The following FAM107B variants were observed in gnomAD, a reference collection of about 807,000 sequenced individuals.
FAM107B encodes the protein family with sequence similarity 107 member B.
Under a neutral mutation model 31.5 loss-of-function variants are expected in FAM107B, and 21 were observed. That is an observed-to-expected ratio of 0.67 (90% CI 0.47 to 0.96). The LOEUF is 0.96. Ranked by LOEUF, FAM107B falls within the 40% of genes least tolerant of loss-of-function variation. The probability of loss-of-function intolerance (pLI) is 0.00; values close to 1 mark genes in which losing one functional copy is unlikely to be tolerated. For synonymous variants in FAM107B, 157 were observed against 141.5 expected (o/e 1.11, Z -0.78); for missense variants, 452 against 377.1 (o/e 1.20, Z -1.64).
At chr10:14,623,759 G>A (rs1281631845) in intron 2 of FAM107B, among the ~76,000 whole-genome samples, 1 of 152,176 alleles carries the variant, frequency 6.6e-6, no homozygotes, top group African/African-American at 2.4e-5. Flanking sequence ...CTGGGAGGAG[G>A]AGGCCGCAGT....
chr10:14,708,253 T>TA (rs1564632395), intron 1 of FAM107B, among the ~76,000 whole-genome samples: 1 of 151,862 alleles, frequency 6.6e-6, no homozygotes. Flanking sequence ...AATTTTTTTT[T>TA]AATTTTTATT....
intron 2 of FAM107B, among the ~76,000 whole-genome samples, chr10:14,597,856 A>T (rs564723899): frequency 2.6e-5 from 4 of 152,180 alleles, no homozygotes; most frequent in African/African-American, 9.7e-5. Context: ...AGGCTGAGGC[A>T]GGAGAATCGC....
At chr10:14,734,756 A>T (rs975426043) in intron 1 of FAM107B, among the ~76,000 whole-genome samples, 6 of 151,952 alleles carry the variant, frequency 3.9e-5, no homozygotes, top group Non-Finnish European at 8.8e-5. Flanking sequence ...TTATTTATTT[A>T]TTTATTGAGA....
intron 2 of FAM107B, among the ~76,000 whole-genome samples, chr10:14,654,934 G>A (rs1854004441): frequency 6.6e-6 from 1 of 152,140 alleles, no homozygotes; most frequent in Admixed American, 6.5e-5. Context: ...CAGTCTGTGG[G>A]GTAGTGTCTC....
chr10:14,522,153 C>T, intron 3 of FAM107B, 134 bp from the exon 4 acceptor site: 1 of 1,131,712 alleles, frequency 8.8e-7, no homozygotes, highest in Non-Finnish European at 1.2e-6. Context: ...TAGGCTACAG[C>T]AGGCAACATG....
chr10:14,586,278 A>T (rs1851831902), intron 2 of FAM107B, among the ~76,000 whole-genome samples: 1 of 152,152 alleles, frequency 6.6e-6, no homozygotes, highest in Admixed American at 6.5e-5. Flanking sequence ...CTTTGCTTTT[A>T]AGAATCCTAC....
In FAM107B at chr10:14,522,008, G is replaced by C; in HGVS notation, c.665C>G (p.Pro222Arg). 1.9e-6 allele frequency: 3 copies of C among 1,613,130 alleles called. No homozygotes were observed. In the South Asian group the frequency reaches 3.3e-5, roughly 18 times the overall value. The change falls in exon 4 of 5, where the codon CCT becomes CGT. Residue 222 changes from proline to arginine, a missense_variant. Pro to Arg is a moderately radical substitution (Grantham distance 103, BLOSUM62 -2). Coordinates refer to ENST00000181796, the MANE Select transcript of FAM107B (RefSeq NM_031453.4). ...LLMNQKRGLAPQNKPELQKVM... is the reference protein window; with the variant it reads ...LLMNQKRGLARQNKPELQKVM... ...CTTCTGCAATTCTGGTTTGTTCTGA[G>C]GAGCAAGACCCCTGCGAAAGAGCAT...
rs535917477 is a variant in FAM107B, at chr10:14,678,791, G to A, written c.412-11100C>T. Among the ~76,000 whole-genome samples the A allele has an allele frequency of 8.5e-5, 13 of 152,332 alleles. No individual in the cohort carries two copies. In the South Asian group the frequency reaches 2.7e-3, roughly 32 times the overall value. ...ACAGAAATCACATCAGCTCTTCTGT[G>A]TCCTCAGCCCTCATGTTCTGGGTGA... On this transcript the variant is annotated intron_variant, in intron 1 of 4. Coordinates refer to ENST00000181796, the MANE Select transcript of FAM107B (RefSeq NM_031453.4).
chr10:14,589,101 G>C (rs1274693304), intron 2 of FAM107B, among the ~76,000 whole-genome samples: 2 of 150,800 alleles, frequency 1.3e-5, no homozygotes, highest in South Asian at 2.1e-4. Context: ...AGAATCACTT[G>C]AGCCCAGGAG....
At chr10:14,521,559 T>C (rs923821589) in intron 4 of FAM107B, among the ~76,000 whole-genome samples, 1 of 152,208 alleles carries the variant, frequency 6.6e-6, no homozygotes, top group Non-Finnish European at 1.5e-5. Context: ...AAACAAATCC[T>C]GGAGTCAACG....
intron 2 of FAM107B, among the ~76,000 whole-genome samples, chr10:14,608,934 G>A (rs1852660010): frequency 6.6e-6 from 1 of 152,124 alleles, no homozygotes; most frequent in Admixed American, 6.5e-5. Flanking sequence ...AAAGTAACAG[G>A]TGCTAACAAT....
At chr10:14,572,648 C>T (rs547186816) in intron 2 of FAM107B, among the ~76,000 whole-genome samples, 51 of 149,288 alleles carry the variant, frequency 3.4e-4, no homozygotes, top group African/African-American at 1.3e-3. Flanking sequence ...GAGTTTGAGG[C>T]TGTAGTGCAC....
intron 1 of FAM107B, among the ~76,000 whole-genome samples, chr10:14,688,146 G>A (rs1855035442): frequency 6.6e-6 from 1 of 152,176 alleles, no homozygotes; most frequent in Admixed American, 6.5e-5. Context: ...TCCTGTGCTG[G>A]ATGCTTCCTG....
chr10:14,549,963 G>A (rs1564554641), intron 2 of FAM107B, among the ~76,000 whole-genome samples: 1 of 152,180 alleles, frequency 6.6e-6, no homozygotes, highest in Non-Finnish European at 1.5e-5. Flanking sequence ...CAGACATCGG[G>A]TGCCACATGT....
chr10:14,595,420 A>T (rs10400174), intron 2 of FAM107B, among the ~76,000 whole-genome samples: 32,684 of 101,494 alleles, frequency 0.32, 4,228 homozygotes, highest in East Asian at 0.59. Flanking sequence ...TCCTAGGGCA[A>T]CCTTTTTTTT....
chr10:14,707,644 C>T (rs1204198269), intron 1 of FAM107B, among the ~76,000 whole-genome samples: 2 of 152,176 alleles, frequency 1.3e-5, no homozygotes, highest in Non-Finnish European at 2.9e-5. Context: ...AAAGCTGTGA[C>T]GTCTGGGATA....
chr10:14,529,138 T>C (rs1340606889), intron 3 of FAM107B, among the ~76,000 whole-genome samples: 2 of 152,242 alleles, frequency 1.3e-5, no homozygotes, highest in South Asian at 2.1e-4. Context: ...CAGGATAGGA[T>C]GGCTTCTAAA....
chr10:14,723,336 T>G, intron 1 of FAM107B: 1 of 544,048 alleles, frequency 1.8e-6, no homozygotes. Flanking sequence ...TCAGGCTAAG[T>G]AGCAGTGAAC....
At chr10:14,596,093 C>G (rs758073576) in intron 2 of FAM107B, among the ~76,000 whole-genome samples, 4 of 152,256 alleles carry the variant, frequency 2.6e-5, no homozygotes, top group African/African-American at 4.8e-5. Context: ...TCCTCCCACA[C>G]AGGCCCTCTG....
Sources: gnomAD v4.1 joint callset for allele counts (sites outside exome capture counted in the v4.1 genomes callset) on GRCh38, gnomAD v4.1.1 for gene constraint, MANE v1.5 for transcripts, NCBI Gene and HGNC (gene_info 2026-07-23, HGNC 2026-07-21) for gene names.